Variants in GRIN3A observed in about 807,000 individuals in gnomAD.
GRIN3A encodes the protein glutamate ionotropic receptor NMDA type subunit 3A.
A neutral mutation model predicts 92.4 loss-of-function variants in GRIN3A; 47 were observed. The observed-to-expected ratio is 0.51, with a 90% CI of 0.40 to 0.65. The LOEUF (loss-of-function observed/expected upper bound fraction) is 0.65, where lower values mean the gene tolerates loss of function less well. Among genes scored for constraint, GRIN3A ranks in the 30% least tolerant of loss-of-function variants. GRIN3A has a pLI of 0.00. For synonymous variants in GRIN3A, 527 were observed against 540.6 expected (o/e 0.97, Z 0.35); for missense variants, 1,324 against 1,393.1 (o/e 0.95, Z 0.79).
Position 101,687,080 on chromosome 9 carries a change from A to C in GRIN3A, c.820T>G (p.Trp274Gly), listed in dbSNP as rs776441339. The stretch of plus-strand genomic sequence containing the variant: ...AGGAGGAGGAAGTCGGTGATGTTCC[A>C]GTCTTCCTGGCACAGCAACAAGCTA... ...NFSLLLCQED[W>G]NITDFLLLTQ... is the part of the protein sequence containing the mutation. The change falls in exon 2 of 9, where the codon TGG (tryptophan) becomes GGG (glycine). Residue 274 changes from tryptophan (W) to glycine (G), a missense_variant. By Grantham distance (184) the Trp-to-Gly change is radical. Coordinates refer to ENST00000361820, the MANE Select transcript of GRIN3A (RefSeq NM_133445.3). 8 of 1,614,190 alleles carry C rather than the reference A, an allele frequency of 5.0e-6. No homozygotes were observed. The South Asian group carries it at 8.8e-5, about 18-fold the overall frequency.
intron 5 of GRIN3A, 55 bp downstream of exon 5, chr9:101,623,263 T>C: frequency 8.3e-7 from 1 of 1,201,808 alleles, no homozygotes; most frequent in Non-Finnish European, 1.2e-6. Flanking sequence ...ACTTTCTAGG[T>C]TGGCAAACTG....
chr9:101,599,475 T>C (rs1395584792), intron 6 of GRIN3A, among the ~76,000 whole-genome samples: 4 of 152,188 alleles, frequency 2.6e-5, no homozygotes, highest in Admixed American at 6.6e-5. Context: ...TTGTTTTGAT[T>C]TTCTCTGTAA....
At chr9:101,674,121 G>C (rs891951584) in intron 2 of GRIN3A, among the ~76,000 whole-genome samples, 1 of 151,890 alleles carries the variant, frequency 6.6e-6, no homozygotes, top group Non-Finnish European at 1.5e-5. Context: ...GCTGTTTGAC[G>C]ATAAGAGATG....
intron 3 of GRIN3A, among the ~76,000 whole-genome samples, chr9:101,643,188 C>T (rs2118904001): frequency 6.6e-6 from 1 of 151,852 alleles, no homozygotes; most frequent in East Asian, 1.9e-4. Flanking sequence ...TCATTCAGCT[C>T]AATAGCAAAC....
intron 3 of GRIN3A, among the ~76,000 whole-genome samples, chr9:101,633,226 C>A (rs1828736900): frequency 6.6e-6 from 1 of 152,134 alleles, no homozygotes; most frequent in South Asian, 2.1e-4. Flanking sequence ...TCATCTGTAC[C>A]CATCTGAGAT....
At chr9:101,614,592 T>C (rs1373919673) in intron 5 of GRIN3A, among the ~76,000 whole-genome samples, 2 of 150,018 alleles carry the variant, frequency 1.3e-5, no homozygotes, top group Admixed American at 6.7e-5. Context: ...TACATATATA[T>C]GCATATATAT....
In GRIN3A at chr9:101,656,450, G is replaced by A. The variant is rs926618685; in HGVS notation, c.2352+13610C>T. 2.0e-5 allele frequency among the ~76,000 whole-genome samples: 3 copies of A among 149,692 alleles called. No individual in the cohort carries two copies. In the East Asian group the frequency reaches 6.0e-4, roughly 30 times the overall value. ...GAGGGAATAGAACCAATTATTAGAC[G>A]TAGTCCTAGAATGTCACAGATTCAA... On this transcript the variant is annotated intron_variant, in intron 3 of 8. Coordinates refer to ENST00000361820, the MANE Select transcript of GRIN3A (RefSeq NM_133445.3).
chr9:101,616,142 T>C (rs1056566399), intron 5 of GRIN3A, among the ~76,000 whole-genome samples: 15 of 152,096 alleles, frequency 9.9e-5, no homozygotes, highest in Non-Finnish European at 1.9e-4. Flanking sequence ...CATGAATGAG[T>C]GAGTGAATGA....
intron 3 of GRIN3A, among the ~76,000 whole-genome samples, chr9:101,646,582 G>A (rs10989578): frequency 0.089 from 13,420 of 150,612 alleles, 860 homozygotes; most frequent in East Asian, 0.22. Context: ...CATAGGGATT[G>A]TATTGAATTT....
chr9:101,720,084 C>T (rs557019422), intron 1 of GRIN3A, among the ~76,000 whole-genome samples: 1 of 152,240 alleles, frequency 6.6e-6, no homozygotes, highest in East Asian at 1.9e-4. Context: ...TCCTCCCCTT[C>T]CAGCTGCTGC....
In GRIN3A at chr9:101,686,720, C is replaced by T. The variant is rs775867478; in HGVS notation, c.1180G>A (p.Glu394Lys). 7 of 1,614,158 alleles carry T rather than the reference C, an allele frequency of 4.3e-6. No homozygotes were observed. In the South Asian group the frequency reaches 7.7e-5, roughly 18 times the overall value. The change falls in exon 2 of 9, where the codon GAG becomes AAG. Residue 394 changes from glutamate to lysine, a missense_variant. Coordinates refer to ENST00000361820, the MANE Select transcript of GRIN3A (RefSeq NM_133445.3). ...GTGGCTACAGCTCTTGCGACCAGCT[C>T]CATAGCATCTTGTACGTAGTGCTCA... The part of the protein sequence containing the change: ...VFEHYVQDAM[E>K]LVARAVATAT...
chr9:101,674,350 C>T (rs1323614562), intron 2 of GRIN3A, among the ~76,000 whole-genome samples: 1 of 152,022 alleles, frequency 6.6e-6, no homozygotes, highest in Non-Finnish European at 1.5e-5. Context: ...ATGCTTCTTC[C>T]TTCTTTCTTT....
chr9:101,703,871 C>A (rs1263454508), intron 1 of GRIN3A, among the ~76,000 whole-genome samples: 1 of 152,088 alleles, frequency 6.6e-6, no homozygotes, highest in East Asian at 1.9e-4. Context: ...TCGAGCAATC[C>A]CAGTCTGATA....
At chr9:101,674,414 A>G (rs1276831038) in intron 2 of GRIN3A, among the ~76,000 whole-genome samples, 1 of 152,066 alleles carries the variant, frequency 6.6e-6, no homozygotes, top group Non-Finnish European at 1.5e-5. Context: ...TAAGGTGGTA[A>G]GGGCTAAGGC....
At chr9:101,624,035 C>T (rs764186901) in intron 4 of GRIN3A, among the ~76,000 whole-genome samples, 20 of 152,268 alleles carry the variant, frequency 1.3e-4, no homozygotes, top group Non-Finnish European at 2.8e-4. Context: ...TGTTTTCAGC[C>T]ACTTCCAATT....
intron 1 of GRIN3A, among the ~76,000 whole-genome samples, chr9:101,733,013 G>A (rs931876425): frequency 1.3e-5 from 2 of 152,108 alleles, no homozygotes; most frequent in African/African-American, 4.8e-5. Context: ...TTTAACTATT[G>A]TGGTTGGAAT....
chr9:101,630,507 A>T (rs538652695), intron 3 of GRIN3A, among the ~76,000 whole-genome samples: 1 of 152,194 alleles, frequency 6.6e-6, no homozygotes, highest in Non-Finnish European at 1.5e-5. Flanking sequence ...TGAAGATTAG[A>T]AAGTGTGTCA....
chr9:101,645,150 C>T (rs1400801585), intron 3 of GRIN3A, among the ~76,000 whole-genome samples: 1 of 151,676 alleles, frequency 6.6e-6, no homozygotes, highest in Non-Finnish European at 1.5e-5. Flanking sequence ...TTCCTCATCA[C>T]CCCTCCCCCC....
chr9:101,613,346 G>A lies in GRIN3A; in HGVS notation c.2766+30C>T, dbSNP rs184069001. The stretch of plus-strand genomic sequence containing the variant: ...GTTCTCTGAGGTACAGCTATACAAC[G>A]TGTCACCATTTTCAACAGTCTTTCC... On this transcript the variant is annotated intron_variant, in intron 6 of 8. Coordinates refer to ENST00000361820, the MANE Select transcript of GRIN3A (RefSeq NM_133445.3). 2.9e-5 allele frequency: 47 copies of A among 1,612,524 alleles called. No individual in the cohort carries two copies. In the Admixed American group the frequency reaches 3.3e-4, roughly 11 times the overall value.
Sources: allele counts gnomAD v4.1 joint callset (sites outside exome capture counted in the v4.1 genomes callset), GRCh38; gene constraint gnomAD v4.1.1; transcripts MANE v1.5; gene names NCBI Gene and HGNC (gene_info 2026-07-23, HGNC 2026-07-21).